GDPD4: variants seen among roughly 807,000 people sequenced by gnomAD.
The protein encoded by GDPD4 is glycerophosphodiester phosphodiesterase 6.
In GDPD4, 60 loss-of-function variants were observed where a neutral mutation model predicts 67.8. That is an observed-to-expected ratio of 0.88 (90% CI 0.72 to 1.10). The LOEUF is 1.10. GDPD4 is among the 50% of genes least tolerant of loss of function. GDPD4 has a pLI of 0.00. For missense variants in GDPD4, 623 were observed against 613.9 expected (o/e 1.01, Z -0.16); for synonymous variants, 212 against 210.9 (o/e 1.00, Z -0.04).
At chr11:77,222,309 C>T (rs1958242627) in intron 16 of GDPD4, among the ~76,000 whole-genome samples, 1 of 152,162 alleles carries the variant, frequency 6.6e-6, no homozygotes, top group Admixed American at 6.5e-5. Flanking sequence ...GCAGTTTCTT[C>T]CTAGCTTTGA....
At chr11:77,262,854 CAA>C (rs67911054) in intron 10 of GDPD4, among the ~76,000 whole-genome samples, 3 of 67,002 alleles carry the variant, frequency 4.5e-5, no homozygotes, top group Non-Finnish European at 7.6e-5. Context: ...TTCTCTGCTG[CAA>C]AAAAAAAAAA....
At chr11:77,217,794 C>T (rs897945844) in intron 16 of GDPD4, among the ~76,000 whole-genome samples, 4 of 152,078 alleles carry the variant, frequency 2.6e-5, no homozygotes, top group African/African-American at 9.7e-5. Context: ...AATAATGGAG[C>T]TAGGAGATCA....
intron 13 of GDPD4, among the ~76,000 whole-genome samples, chr11:77,241,152 C>A (rs1182501753): frequency 6.6e-6 from 1 of 152,184 alleles, no homozygotes; most frequent in Non-Finnish European, 1.5e-5. Context: ...ACACTATTCA[C>A]AGTAGCCAAG....
At position 77,290,044 on chromosome 11, in the gene GDPD4, T is replaced by G. The variant is rs190782535; in HGVS notation, c.-253-2624A>C. ...ACAAGGGGTTCAGACATCCAGATAG[T>G]GGAAGCTCAAAGATCCCCAAATAGA... On this transcript the variant is annotated intron_variant, in intron 1 of 16. Coordinates refer to ENST00000315938, the MANE Select transcript of GDPD4 (RefSeq NM_182833.3). Among the ~76,000 whole-genome samples, 28 of 152,252 alleles carry G rather than the reference T, an allele frequency of 1.8e-4. No individual in the cohort carries two copies. In the East Asian group the frequency reaches 5.2e-3, roughly 28 times the overall value.
chr11:77,219,643 C>T lies in GDPD4; in HGVS notation c.1526-2329G>A, dbSNP rs935283084. Among the ~76,000 whole-genome samples, 15 of 152,242 alleles carry T rather than the reference C, an allele frequency of 9.9e-5. No homozygotes were observed. The South Asian group carries it at 1.0e-3, about 11-fold the overall frequency. On this transcript the variant is annotated intron_variant, in intron 16 of 16. Transcript: ENST00000315938. ...CATTTATTAAATAGGGAATCCTTTC[C>T]CCATTTCTTGTTTTTGTCAGGTTTG...
At chr11:77,228,278 C>T (rs1324892543) in intron 15 of GDPD4, among the ~76,000 whole-genome samples, 1 of 151,878 alleles carries the variant, frequency 6.6e-6, no homozygotes, top group Non-Finnish European at 1.5e-5. Context: ...GCGGGCAGAT[C>T]ACAAGGTCAG....
intron 16 of GDPD4, among the ~76,000 whole-genome samples, chr11:77,221,119 T>C (rs1040543555): frequency 1.3e-5 from 2 of 151,960 alleles, no homozygotes; most frequent in Non-Finnish European, 2.9e-5. Context: ...CATTTTTTTA[T>C]TGCATCTAAT....
intron 11 of GDPD4, among the ~76,000 whole-genome samples, chr11:77,247,803 G>A (rs978701471): frequency 3.9e-5 from 6 of 152,290 alleles, no homozygotes; most frequent in African/African-American, 1.4e-4. Flanking sequence ...TGTAATCCCA[G>A]CACTTTGGAA....
intron 1 of GDPD4, among the ~76,000 whole-genome samples, chr11:77,293,968 C>T (rs1937865414): frequency 6.6e-6 from 1 of 151,962 alleles, no homozygotes. Flanking sequence ...TATTTGCAGA[C>T]AACAATATTA....
At chr11:77,266,830 G>C (rs1959180474) in intron 10 of GDPD4, among the ~76,000 whole-genome samples, 1 of 152,224 alleles carries the variant, frequency 6.6e-6, no homozygotes, top group Non-Finnish European at 1.5e-5. Context: ...GTACAATGTA[G>C]TTGTGCTTAC....
intron 1 of GDPD4, among the ~76,000 whole-genome samples, chr11:77,288,111 A>G (rs1489970201): frequency 6.6e-6 from 1 of 152,118 alleles, no homozygotes; most frequent in African/African-American, 2.4e-5. Flanking sequence ...CACTACTACC[A>G]CCACCAATGC....
At chr11:77,268,361 G>A (rs879785423) in intron 10 of GDPD4, 96 bp downstream of exon 10, 6 of 794,968 alleles carry the variant, frequency 7.5e-6, no homozygotes, top group Non-Finnish European at 1.3e-5. Context: ...AACTCCCCAG[G>A]GCTTGCTGTC....
intron 11 of GDPD4, among the ~76,000 whole-genome samples, chr11:77,254,765 T>G (rs1430329666): frequency 6.6e-6 from 1 of 152,250 alleles, no homozygotes; most frequent in African/African-American, 2.4e-5. Context: ...GTATCTATTC[T>G]TATTTTGTTA....
At chr11:77,238,455 G>C (rs555623811) in intron 13 of GDPD4, among the ~76,000 whole-genome samples, 1 of 151,874 alleles carries the variant, frequency 6.6e-6, no homozygotes, top group Admixed American at 6.6e-5. Context: ...GTGGTGGTGT[G>C]AGCCTGTAAT....
At chr11:77,223,814 G>A (rs968361775) in intron 16 of GDPD4, among the ~76,000 whole-genome samples, 3 of 152,338 alleles carry the variant, frequency 2.0e-5, no homozygotes, top group Middle Eastern at 6.8e-3. Context: ...GGAGTCTACA[G>A]AGGCAGGGGC....
intron 12 of GDPD4, among the ~76,000 whole-genome samples, chr11:77,244,775 T>C (rs1457662378): frequency 6.6e-6 from 1 of 152,328 alleles, no homozygotes; most frequent in Non-Finnish European, 1.5e-5. Flanking sequence ...AAAAGACTTA[T>C]AATTGTTTCA....
intron 1 of GDPD4, among the ~76,000 whole-genome samples, chr11:77,298,821 G>C (rs949532701): frequency 6.6e-6 from 1 of 152,110 alleles, no homozygotes; most frequent in East Asian, 1.9e-4. Context: ...AACATATTTT[G>C]GGGTAAAATA....
At chr11:77,300,713 A>G (rs560887947) in intron 1 of GDPD4, among the ~76,000 whole-genome samples, 2 of 152,378 alleles carry the variant, frequency 1.3e-5, no homozygotes, top group South Asian at 4.1e-4. Flanking sequence ...TGACATCTTA[A>G]GAATATATCT....
chr11:77,248,051 C>CAAAAAAAAAAAA (rs34252021), intron 11 of GDPD4, among the ~76,000 whole-genome samples: 2 of 62,704 alleles, frequency 3.2e-5, no homozygotes, highest in South Asian at 7.2e-4. Context: ...AACTCCGTCT[C>CAAAAAAAAAAAA]AAAAAAAAAA....
Sources: allele counts gnomAD v4.1 joint callset (sites outside exome capture counted in the v4.1 genomes callset), GRCh38; gene constraint gnomAD v4.1.1; transcripts MANE v1.5; gene names NCBI Gene and HGNC (gene_info 2026-07-23, HGNC 2026-07-21).